Variants in ITPK1 observed in about 807,000 individuals in gnomAD.
The protein encoded by ITPK1 is inositol-tetrakisphosphate 1-kinase, also known as inositol 1,3,4-trisphosphate 5/6-kinase.
A neutral mutation model predicts 45.3 loss-of-function variants in ITPK1; 21 were observed. The observed-to-expected ratio is 0.46, with a 90% confidence interval of 0.33 to 0.67. ITPK1 has a LOEUF of 0.67. ITPK1 is among the 30% of genes least tolerant of loss of function. The probability of loss-of-function intolerance (pLI) is 0.02; values close to 1 mark genes in which losing one functional copy is unlikely to be tolerated. For missense variants in ITPK1, 474 were observed against 573.5 expected (o/e 0.83, Z 1.77); for synonymous variants, 258 against 253.6 (o/e 1.02, Z -0.16).
rs139249228 is a variant in ITPK1 at position 93,014,360 on chromosome 14, C to CTG, written c.246+2314_246+2315dup. Reference sequence around the variant, plus strand: ...GGACATCACTTGCCTGGGCTGTGGGCTGTGTGTGTGTCTGGGAAGTGGGCA... The same window carrying CTG: ...GGACATCACTTGCCTGGGCTGTGGGCTGTGTGTGTGTGTCTGGGAAGTGGGCA... On this transcript the variant is annotated intron_variant, in intron 4 of 10. Coordinates refer to ENST00000267615, the MANE Select transcript of ITPK1 (RefSeq NM_014216.6). This position sits in a 1 kb window ranked among gnomAD's most constrained non-coding sequence, Gnocchi z 4.4. Among the ~76,000 whole-genome samples, 136 of 152,254 alleles carry CTG rather than the reference C, an allele frequency of 8.9e-4. No individual in the cohort carries two copies. The East Asian group carries it at 0.018, about 20-fold the overall frequency.
intron 4 of ITPK1, among the ~76,000 whole-genome samples, chr14:93,007,963 AC>A (rs1887705192): frequency 6.6e-6 from 1 of 152,190 alleles, no homozygotes; most frequent in Non-Finnish European, 1.5e-5. Context: ...TCAAAGAGCT[AC>A]CCAGCGCTCC....
Position 93,087,343 on chromosome 14 carries a change from A to G in ITPK1, c.96-10724T>C, listed in dbSNP as rs531827573. ...ATGCAGGAACATTTTCTATTTCAAG[A>G]TGCCTCACTCCTTCACATCTGTAAG... On this transcript the variant is annotated intron_variant, in intron 2 of 10. Coordinates refer to ENST00000267615, the MANE Select transcript of ITPK1 (RefSeq NM_014216.6). Among the ~76,000 whole-genome samples, 28 of 152,268 alleles carry G rather than the reference A, an allele frequency of 1.8e-4. No individual in the cohort carries two copies. In the South Asian group the frequency reaches 5.2e-3, roughly 28 times the overall value.
intron 2 of ITPK1, among the ~76,000 whole-genome samples, chr14:93,114,725 C>T (rs1223040096): frequency 2.0e-5 from 3 of 152,192 alleles, no homozygotes. Context: ...TACCCTCAAG[C>T]CCTTACCCCA....
At chr14:92,961,935 AT>A (rs1885094016) in intron 7 of ITPK1, among the ~76,000 whole-genome samples, 1 of 152,240 alleles carries the variant, frequency 6.6e-6, no homozygotes, top group Non-Finnish European at 1.5e-5. Context: ...GAAGGTGGCC[AT>A]TTGCAAGGTA....
At chr14:92,969,636 G>A (rs764809495) in intron 5 of ITPK1, among the ~76,000 whole-genome samples, 1 of 152,204 alleles carries the variant, frequency 6.6e-6, no homozygotes, top group Non-Finnish European at 1.5e-5. Flanking sequence ...CCTCCCTCTC[G>A]ATCACGAGAA....
Position 93,100,130 on chromosome 14 carries a change from C to T in ITPK1, c.95+14939G>A, listed in dbSNP as rs758581252. Among the ~76,000 whole-genome samples the T allele has an allele frequency of 5.3e-5, 8 of 152,196 alleles. No homozygotes were observed. In the East Asian group the frequency reaches 7.7e-4, roughly 15 times the overall value. ...TCAGGCCATGTAGAAGGGAATGAGG[C>T]GCTGCATTCCCCAGCCCCAGAGACT... On this transcript the variant is annotated intron_variant, in intron 2 of 10. Coordinates refer to ENST00000267615, the MANE Select transcript of ITPK1 (RefSeq NM_014216.6).
rs570326731 is a variant in ITPK1 at position 93,115,328 on chromosome 14, G to A, written c.-142-23C>T. On this transcript the variant is annotated intron_variant, in intron 1 of 10. Transcript: ENST00000267615. The stretch of plus-strand genomic sequence containing the variant: ...GTCCTGCCGCGCGGAGCGGAGCGGG[G>A]CGGGGCGCGGCGGGCGGCCGGGAGG... 1.1e-3 allele frequency: 310 copies of A among 286,492 alleles called. 8 individuals carry two copies. The South Asian group carries it at 0.034, about 31-fold the overall frequency. The allele number at this position is 286,492 out of a possible 1,614,324, so 17.7% of individuals were successfully genotyped here. A position where few individuals can be genotyped will look rare whatever the true frequency, so the allele number is the denominator to read the frequency against.
At chr14:93,062,141 C>T (rs924629202) in intron 3 of ITPK1, among the ~76,000 whole-genome samples, 1 of 152,146 alleles carries the variant, frequency 6.6e-6, no homozygotes, top group Non-Finnish European at 1.5e-5. Flanking sequence ...CATGGTGGCG[C>T]GTGCCTGTAA....
chr14:93,025,501 G>A lies in ITPK1; in HGVS notation c.121-8700C>T, dbSNP rs143594678. Among the ~76,000 whole-genome samples the A allele has an allele frequency of 3.2e-3, 482 of 152,034 alleles. 2 individuals are homozygous for A. The highest frequency in any genetic ancestry group is 0.01 in the African/African-American group (422 of 41,464). The stretch of plus-strand genomic sequence containing the variant: ...TTTATCATTAAATCTTAAATCCACC[G>A]GGAGTTGTTTCAGTGAAAGACTGAG... On this transcript the variant is annotated intron_variant, in intron 3 of 10. Transcript: ENST00000267615.
At chr14:93,008,243 C>T (rs564063411) in intron 4 of ITPK1, among the ~76,000 whole-genome samples, 17 of 152,330 alleles carry the variant, frequency 1.1e-4, no homozygotes, top group African/African-American at 3.6e-4. Context: ...TCCTAGTACT[C>T]GCCATCACTG....
At chr14:92,965,559 C>G (rs144043857) in intron 5 of ITPK1, among the ~76,000 whole-genome samples, 1 of 152,304 alleles carries the variant, frequency 6.6e-6, no homozygotes, top group African/African-American at 2.4e-5. Context: ...TCTCTACTTG[C>G]AGATAATAGG....
chr14:93,016,377 G>A lies in ITPK1; in HGVS notation c.246+299C>T. 6.6e-6 allele frequency among the ~76,000 whole-genome samples: 1 copy of A among 152,166 alleles called. No homozygotes were observed. The highest frequency in any genetic ancestry group is 1.9e-4 in the East Asian group (1 of 5,196). On this transcript the variant is annotated intron_variant, in intron 4 of 10. Transcript: ENST00000267615. The surrounding 1 kb of genome is among the most constrained non-coding windows in gnomAD (Gnocchi z 5.0). ...GGAAAGGGTTGCACATGCCTGTGCT[G>A]AGGACGTGGAGGCCACACTGGAACT... is the stretch of plus-strand genomic sequence containing the variant.
At chr14:93,030,311 G>A (rs1888968989) in intron 3 of ITPK1, among the ~76,000 whole-genome samples, 2 of 152,188 alleles carry the variant, frequency 1.3e-5, no homozygotes, top group Admixed American at 6.5e-5. Flanking sequence ...AAGAGAAACC[G>A]TTACTGCTTC....
intron 10 of ITPK1, among the ~76,000 whole-genome samples, chr14:92,942,498 C>T (rs760218584): frequency 3.9e-5 from 6 of 152,314 alleles, no homozygotes; most frequent in East Asian, 1.9e-4. Flanking sequence ...AAGCAGCTGC[C>T]GCCCCAACTG....
chr14:93,039,613 C>T (rs1404736266), intron 3 of ITPK1, among the ~76,000 whole-genome samples: 3 of 152,246 alleles, frequency 2.0e-5, no homozygotes, highest in African/African-American at 7.2e-5. Context: ...GCAGATCTGA[C>T]TGGTCACTTA....
chr14:92,941,183 GGGTCCC>G lies in ITPK1; in HGVS notation c.*372_*377del. ...CCCGACATGGGCAGGCTTCCCCCAA[GGGTCCC>G]GGTCCACAGTGGCCATGGAGACCAA... On this transcript the variant is annotated 3_prime_UTR_variant, in exon 11 of 11. Coordinates refer to ENST00000267615, the MANE Select transcript of ITPK1 (RefSeq NM_014216.6). 1 of 1,239,868 alleles carries G rather than the reference GGGTCCC, an allele frequency of 8.1e-7. No individual in the cohort carries two copies. Among genetic ancestry groups the G allele is most frequent in the Admixed American group, 3.7e-5 (1 of 26,738 alleles). The allele number at this position is 1,239,868 out of a possible 1,614,324, so 76.8% of individuals were successfully genotyped here.
intron 3 of ITPK1, among the ~76,000 whole-genome samples, chr14:93,065,618 C>G (rs972936923): frequency 6.6e-6 from 1 of 152,332 alleles, no homozygotes; most frequent in East Asian, 1.9e-4. Context: ...CTAGCTGCAG[C>G]CCAACCTGTC....
chr14:92,994,360 G>A, intron 4 of ITPK1, among the ~76,000 whole-genome samples: 1 of 152,200 alleles, frequency 6.6e-6, no homozygotes, highest in East Asian at 1.9e-4. Context: ...TCTGAGGCAG[G>A]GGCGGGAGAG....
intron 3 of ITPK1, among the ~76,000 whole-genome samples, chr14:93,039,297 C>A (rs886934476): frequency 6.6e-6 from 1 of 152,172 alleles, no homozygotes; most frequent in African/African-American, 2.4e-5. Flanking sequence ...AGAGGCTGTT[C>A]TCTCTCCTTC....
Sources: gnomAD v4.1 joint callset for allele counts (sites outside exome capture counted in the v4.1 genomes callset) on GRCh38, gnomAD v4.1.1 for gene constraint, Gnocchi (gnomAD v3.1) non-coding constraint, MANE v1.5 for transcripts, NCBI Gene and HGNC (gene_info 2026-07-23, HGNC 2026-07-21) for gene names.